Variants in LYN observed in about 807,000 individuals in gnomAD.
LYN encodes the protein LYN proto-oncogene, Src family tyrosine kinase, also known as tyrosine-protein kinase Lyn.
LYN carries 12 observed loss-of-function variants against 65.0 expected under a neutral mutation model. That is an observed-to-expected ratio of 0.18 (90% CI 0.12 to 0.30). LYN has a LOEUF of 0.30. LYN is among the 10% of genes least tolerant of loss of function. The pLI, the probability that LYN is intolerant of heterozygous loss-of-function variation, is 1.00. For synonymous variants in LYN, 222 were observed against 221.2 expected (o/e 1.00, Z -0.03); for missense variants, 380 against 623.2 (o/e 0.61, Z 4.16).
chr8:55,995,971 T>C (rs974702972), intron 10 of LYN, among the ~76,000 whole-genome samples: 7 of 152,190 alleles, frequency 4.6e-5, no homozygotes, highest in Admixed American at 1.3e-4. Context: ...GCTAACAAGA[T>C]AGTATTCTGG....
At chr8:55,981,199 C>T (rs1021673787) in intron 10 of LYN, among the ~76,000 whole-genome samples, 1 of 152,168 alleles carries the variant, frequency 6.6e-6, no homozygotes, top group Non-Finnish European at 1.5e-5. Context: ...TATCAACAGG[C>T]ACCTTCCCTG....
chr8:55,992,094 GAC>G (rs1808265860), intron 10 of LYN, among the ~76,000 whole-genome samples: 1 of 152,222 alleles, frequency 6.6e-6, no homozygotes. Flanking sequence ...GGGTGAAAGA[GAC>G]AGTTTAAATT....
intron 1 of LYN, among the ~76,000 whole-genome samples, chr8:55,886,518 G>T (rs1469386804): frequency 6.6e-6 from 1 of 152,226 alleles, no homozygotes; most frequent in African/African-American, 2.4e-5. Context: ...AAAGTGCTGG[G>T]ATTACAGGCA....
At position 55,998,374 on chromosome 8, in the gene LYN, G is replaced by A. The variant is rs201895605; in HGVS notation, c.1079G>A (p.Arg360Gln). The A allele has an allele frequency of 3.0e-5, 49 of 1,613,558 alleles. No individual in the cohort carries two copies. The highest frequency in any genetic ancestry group is 6.6e-5 in the South Asian group (6 of 91,074). Residue 360 changes from arginine (R) to glutamine (Q), a missense_variant, in exon 11 of 13, where the codon CGG (arginine) becomes CAG (glutamine). Physicochemically the swap from Arg to Gln is conservative, Grantham distance 43 (BLOSUM62 1). Coordinates refer to ENST00000519728, the MANE Select transcript of LYN (RefSeq NM_002350.4). The stretch of plus-strand genomic sequence containing the variant: ...GCAGAGGGAATGGCATACATCGAGC[G>A]GAAGAACTACATTCACCGGGACCTG... ...QIAEGMAYIE[R>Q]KNYIHRDLRA...
intron 10 of LYN, among the ~76,000 whole-genome samples, chr8:55,997,807 A>G (rs564430765): frequency 6.0e-4 from 91 of 152,340 alleles, no homozygotes; most frequent in Admixed American, 1.4e-3. Flanking sequence ...AGACATGGCC[A>G]GGCGCGGTGG....
intron 12 of LYN, among the ~76,000 whole-genome samples, chr8:56,006,484 C>T (rs1215457212): frequency 6.6e-6 from 1 of 152,134 alleles, no homozygotes; most frequent in African/African-American, 2.4e-5. Flanking sequence ...GCTATCTGTT[C>T]CTTTTCTCTA....
At chr8:55,991,941 G>C (rs1234758303) in intron 10 of LYN, among the ~76,000 whole-genome samples, 1 of 152,212 alleles carries the variant, frequency 6.6e-6, no homozygotes, top group Non-Finnish European at 1.5e-5. Flanking sequence ...GCACATCTCA[G>C]CTTAAGTCAA....
chr8:55,984,806 C>T (rs1429859276), intron 10 of LYN, among the ~76,000 whole-genome samples: 1 of 152,244 alleles, frequency 6.6e-6, no homozygotes, highest in East Asian at 1.9e-4. Context: ...CCCCATAAGG[C>T]CATTTGCCTG....
intron 1 of LYN, among the ~76,000 whole-genome samples, chr8:55,895,013 T>A (rs927426704): frequency 2.6e-5 from 4 of 151,248 alleles, no homozygotes; most frequent in African/African-American, 9.7e-5. Flanking sequence ...GGGATCTCAC[T>A]ATGTTGCCCA....
intron 1 of LYN, among the ~76,000 whole-genome samples, chr8:55,884,843 C>A (rs1563492655): frequency 1.3e-5 from 2 of 152,172 alleles, no homozygotes; most frequent in African/African-American, 4.8e-5. Flanking sequence ...CCTGTAGTAG[C>A]CTTTGTTGTT....
intron 8 of LYN, among the ~76,000 whole-genome samples, chr8:55,964,745 A>G (rs1807399246): frequency 1.3e-5 from 2 of 152,206 alleles, no homozygotes; most frequent in African/African-American, 4.8e-5. Flanking sequence ...AAAAGAGTAC[A>G]TACTCATTGA....
chr8:55,994,121 TCAA>T (rs1316149015), intron 10 of LYN, among the ~76,000 whole-genome samples: 2 of 151,974 alleles, frequency 1.3e-5, no homozygotes, highest in Non-Finnish European at 2.9e-5. Flanking sequence ...TAGACCACCT[TCAA>T]CAACAACAAA....
intron 12 of LYN, among the ~76,000 whole-genome samples, chr8:56,005,281 T>C (rs1808641306): frequency 6.6e-6 from 1 of 152,228 alleles, no homozygotes; most frequent in Admixed American, 6.5e-5. Context: ...TCAAGGTCCA[T>C]GCATGGTGTG....
intron 12 of LYN, among the ~76,000 whole-genome samples, chr8:56,003,928 C>CTTTTTTTT (rs1213079280): frequency 3.2e-4 from 33 of 104,684 alleles, no homozygotes; most frequent in East Asian, 8.3e-4. Flanking sequence ...ATATTTTATT[C>CTTTTTTTT]TTTTTTTTTT....
chr8:55,968,772 CTG>C (rs1281568470), intron 9 of LYN, among the ~76,000 whole-genome samples: 1 of 152,194 alleles, frequency 6.6e-6, no homozygotes, highest in Non-Finnish European at 1.5e-5. Context: ...CCCCCCAAAA[CTG>C]TAATATAGCC....
In LYN at chr8:55,908,997, A is replaced by ATCTATATC. The variant is rs1563504711; in HGVS notation, c.-6+28895_-6+28896insCTATATCT. On this transcript the variant is annotated intron_variant, in intron 1 of 12. Transcript: ENST00000519728. ...GGTATTCCATTGTGTATGTATATAT[A>ATCTATATC]TATATATATATATACACACACACAC... Among the ~76,000 whole-genome samples, 16 of 16,000 alleles carry ATCTATATC rather than the reference A, an allele frequency of 1.0e-3. 2 individuals carry two copies. The highest frequency in any genetic ancestry group is 0.017 in the Middle Eastern group (1 of 60). The allele number at this position is 16,000 out of a possible 152,430, so 10.5% of individuals were successfully genotyped here.
chr8:56,001,565 C>G (rs1378992424), intron 12 of LYN, among the ~76,000 whole-genome samples: 2 of 152,094 alleles, frequency 1.3e-5, no homozygotes, highest in African/African-American at 4.8e-5. Flanking sequence ...CCAGGAAATC[C>G]CTTTAGTGCC....
At chr8:55,946,408 C>A in intron 2 of LYN, 40 bp from the exon 3 acceptor site, 1 of 1,397,132 alleles carries the variant, frequency 7.2e-7, no homozygotes. Context: ...GTAAGAAAAG[C>A]TAAACAGAAT....
At chr8:55,998,732 T>C (rs1808440661) in intron 11 of LYN, among the ~76,000 whole-genome samples, 1 of 152,242 alleles carries the variant, frequency 6.6e-6, no homozygotes, top group Non-Finnish European at 1.5e-5. Flanking sequence ...ATCAGTTGTA[T>C]TTCAATTAAG....
Sources: allele counts gnomAD v4.1 joint callset (sites outside exome capture counted in the v4.1 genomes callset), GRCh38; gene constraint gnomAD v4.1.1; transcripts MANE v1.5; gene names NCBI Gene and HGNC (gene_info 2026-07-23, HGNC 2026-07-21).